The following CTNNA3 variants were observed in gnomAD, a reference collection of about 807,000 sequenced individuals.
The protein encoded by CTNNA3 is catenin alpha-3.
In CTNNA3, 76 loss-of-function variants were observed where a neutral mutation model predicts 95.7. That is an observed-to-expected ratio of 0.79 (90% CI 0.66 to 0.96). The LOEUF (loss-of-function observed/expected upper bound fraction) is 0.96. Among genes scored for constraint, CTNNA3 ranks in the 40% least tolerant of loss-of-function variants. The pLI is 0.00. For missense variants in CTNNA3, 1,191 were observed against 1,089.8 expected, an observed-to-expected ratio of 1.09 and a Z score of -1.31; for synonymous variants, 431 against 374.4, an observed-to-expected ratio of 1.15 and a Z score of -1.74.
chr10:67,384,269 C>T (rs1209395080), intron 5 of CTNNA3, among the ~76,000 whole-genome samples: 1 of 152,058 alleles, frequency 6.6e-6, no homozygotes, highest in African/African-American at 2.4e-5. Flanking sequence ...AGCAACCTAC[C>T]TGAAATAAGA....
At chr10:67,589,149 C>T (rs1363881866) in intron 3 of CTNNA3, among the ~76,000 whole-genome samples, 1 of 152,058 alleles carries the variant, frequency 6.6e-6, no homozygotes, top group African/African-American at 2.4e-5. Context: ...GATTCACTTT[C>T]CCCTACTTAA....
intron 6 of CTNNA3, among the ~76,000 whole-genome samples, chr10:67,218,969 C>T (rs1009279248): frequency 2.0e-5 from 3 of 152,190 alleles, no homozygotes; most frequent in African/African-American, 7.2e-5. Flanking sequence ...GGCATACACA[C>T]TCCTAAATGG....
chr10:66,537,190 A>G lies in CTNNA3; in HGVS notation c.1375-16417T>C, dbSNP rs569238724. 7.9e-5 allele frequency among the ~76,000 whole-genome samples: 12 copies of G among 152,306 alleles called. No homozygotes were observed. In the South Asian group the frequency reaches 2.5e-3, roughly 32 times the overall value. ...CAAATAGTTATAAAAACAAGTTTGC[A>G]GCATAAAAGAAAAGGTGGCAATCAG... On this transcript the variant is annotated intron_variant, in intron 10 of 17. Transcript: ENST00000433211.
rs150813839 is a variant in CTNNA3, at chr10:67,586,712, G to T, written c.292+20145C>A. On this transcript the variant is annotated intron_variant, in intron 3 of 17. Coordinates refer to ENST00000433211, the MANE Select transcript of CTNNA3 (RefSeq NM_013266.4). ...TTTTCAGGTAAGTTTCTTATAAGCA[G>T]CATATGCTTAGATCTTTTTTAAATT... Among the ~76,000 whole-genome samples the T allele has an allele frequency of 1.5e-3, 225 of 152,108 alleles. 1 individual carries two copies. The highest frequency in any genetic ancestry group is 5.4e-3 in the African/African-American group (223 of 41,500).
intron 7 of CTNNA3, among the ~76,000 whole-genome samples, chr10:67,110,945 T>A (rs1033561491): frequency 2.6e-5 from 4 of 152,170 alleles, no homozygotes; most frequent in Non-Finnish European, 5.9e-5. Flanking sequence ...TTCCTTTGAA[T>A]TAGTGGAATA....
chr10:65,982,900 A>G (rs1342421772), intron 16 of CTNNA3, among the ~76,000 whole-genome samples: 2 of 151,512 alleles, frequency 1.3e-5, no homozygotes, highest in Non-Finnish European at 3.0e-5. Flanking sequence ...TGAAGGCTCC[A>G]GAAGCTTCTC....
chr10:66,335,755 C>G (rs975153164), intron 12 of CTNNA3, among the ~76,000 whole-genome samples: 2 of 152,204 alleles, frequency 1.3e-5, no homozygotes. Flanking sequence ...TCTCTTTAAA[C>G]CTGTCAGACA....
chr10:66,018,844 C>A (rs1312139172), intron 15 of CTNNA3, among the ~76,000 whole-genome samples: 2 of 151,966 alleles, frequency 1.3e-5, no homozygotes, highest in African/African-American at 2.4e-5. Context: ...ACATAGACTA[C>A]ATCTTTGAAG....
At chr10:67,585,773 C>G (rs1365495406) in intron 3 of CTNNA3, among the ~76,000 whole-genome samples, 1 of 152,016 alleles carries the variant, frequency 6.6e-6, no homozygotes, top group Admixed American at 6.6e-5. Flanking sequence ...TTTCAAAAAA[C>G]CAACCTTTTG....
rs754792055 is a variant in CTNNA3 at position 66,280,471 on chromosome 10, C to T, written c.1883G>A (p.Arg628Gln). 1.0e-5 allele frequency: 16 copies of T among 1,601,188 alleles called. No homozygotes were observed. Among genetic ancestry groups the T allele is most frequent in the South Asian group, 2.2e-5 (2 of 89,208 alleles). Residue 628 changes from arginine to glutamine, a missense_variant and splice_region_variant, in exon 13 of 18, where the codon CGG (arginine) becomes CAG (glutamine). Physicochemically the swap from Arg to Gln is conservative, Grantham distance 43. Transcript: ENST00000433211. The part of the protein sequence containing the change: ...HDIRCSVMMI[R>Q]TPEELEDVSD... ...CAATGGAAGGAAAAGCAAACTTACC[C>T]GAATCATCATGACTGAACATCTGAT...
intron 13 of CTNNA3, among the ~76,000 whole-genome samples, chr10:66,191,612 A>C (rs1158896924): frequency 2.6e-5 from 2 of 77,430 alleles, no homozygotes; most frequent in African/African-American, 1.0e-4. Flanking sequence ...GAACTGTATG[A>C]CTTGAAAAAA....
chr10:66,200,050 T>C (rs1282189283), intron 13 of CTNNA3, among the ~76,000 whole-genome samples: 2 of 151,380 alleles, frequency 1.3e-5, no homozygotes, highest in African/African-American at 4.9e-5. Context: ...AACACCTTTC[T>C]ACAAATTTTA....
chr10:66,001,208 T>A (rs2078763884), intron 15 of CTNNA3, among the ~76,000 whole-genome samples: 1 of 152,092 alleles, frequency 6.6e-6, no homozygotes, highest in African/African-American at 2.4e-5. Flanking sequence ...CCTACAGTCC[T>A]GGGGTTTCTT....
intron 1 of CTNNA3, among the ~76,000 whole-genome samples, chr10:67,682,124 C>G (rs957862987): frequency 3.4e-5 from 5 of 147,450 alleles, no homozygotes. Context: ...CGCCATTGCA[C>G]TCCAACCTGG....
chr10:66,441,644 T>G (rs1186083885), intron 11 of CTNNA3, among the ~76,000 whole-genome samples: 2 of 152,226 alleles, frequency 1.3e-5, no homozygotes, highest in African/African-American at 4.8e-5. Flanking sequence ...CTTGAATTTA[T>G]TTTTCTTCGT....
intron 7 of CTNNA3, among the ~76,000 whole-genome samples, chr10:67,011,630 G>T (rs1852346201): frequency 1.3e-5 from 2 of 151,968 alleles, no homozygotes; most frequent in Admixed American, 1.3e-4. Flanking sequence ...TTTCACCCTA[G>T]GCTATGTGTA....
chr10:67,703,874 A>G (rs1411135131), intron 1 of CTNNA3, among the ~76,000 whole-genome samples: 1 of 152,056 alleles, frequency 6.6e-6, no homozygotes, highest in Non-Finnish European at 1.5e-5. Flanking sequence ...TATCTAGAAA[A>G]CCCCACTGTC....
At chr10:67,660,033 A>G (rs926313977) in intron 1 of CTNNA3, among the ~76,000 whole-genome samples, 1 of 152,220 alleles carries the variant, frequency 6.6e-6, no homozygotes, top group African/African-American at 2.4e-5. Flanking sequence ...CTGTAAATCA[A>G]TAAATACACT....
chr10:66,038,025 T>C (rs1227286481), intron 15 of CTNNA3, among the ~76,000 whole-genome samples: 1 of 152,206 alleles, frequency 6.6e-6, no homozygotes. Flanking sequence ...CCAGAAGCTC[T>C]ACGCATTGCT....
Sources: allele counts gnomAD v4.1 joint callset (sites outside exome capture counted in the v4.1 genomes callset), GRCh38; gene constraint gnomAD v4.1.1; transcripts MANE v1.5; gene names NCBI Gene and HGNC (gene_info 2026-07-23, HGNC 2026-07-21).